Variants in FAT3 observed in about 807,000 individuals in gnomAD.
FAT3 encodes protocadherin Fat 3.
Under a neutral mutation model 310.2 loss-of-function variants are expected in FAT3, and 95 were observed. That is an observed-to-expected ratio of 0.31 (90% CI 0.26 to 0.36). FAT3 has a LOEUF of 0.36. Ranked by LOEUF, FAT3 falls within the 10% of genes least tolerant of loss-of-function variation. The pLI, the probability that FAT3 is intolerant of heterozygous loss-of-function variation, is 1.00. For synonymous variants in FAT3, 2,314 were observed against 2,192.9 expected (o/e 1.06, Z -1.54); for missense variants, 5,408 against 5,715.6 (o/e 0.95, Z 1.74).
chr11:92,668,642 A>G (rs1400055885), intron 3 of FAT3, among the ~76,000 whole-genome samples: 1 of 152,230 alleles, frequency 6.6e-6, no homozygotes, highest in Non-Finnish European at 1.5e-5. Flanking sequence ...TGAAAAAATA[A>G]TACCTTCCTG....
chr11:92,342,695 G>A (rs1334053746), intron 1 of FAT3, among the ~76,000 whole-genome samples: 1 of 152,066 alleles, frequency 6.6e-6, no homozygotes, highest in African/African-American at 2.4e-5. Flanking sequence ...CAGAGTAAGT[G>A]CTATTACTAG....
intron 2 of FAT3, among the ~76,000 whole-genome samples, chr11:92,482,095 C>T (rs1952242518): frequency 6.6e-6 from 1 of 151,892 alleles, no homozygotes; most frequent in South Asian, 2.1e-4. Flanking sequence ...TTTTACTTAA[C>T]CATACATTTA....
At chr11:92,298,369 C>T (rs1042571844) in intron 1 of FAT3, among the ~76,000 whole-genome samples, 8 of 152,054 alleles carry the variant, frequency 5.3e-5, no homozygotes, top group Non-Finnish European at 1.2e-4. Flanking sequence ...AATATGCAAT[C>T]CTTTCCCATG....
intron 3 of FAT3, among the ~76,000 whole-genome samples, chr11:92,611,549 G>A (rs754137770): frequency 2.0e-5 from 3 of 152,026 alleles, no homozygotes; most frequent in Non-Finnish European, 4.4e-5. Flanking sequence ...GTGGAACTAC[G>A]GGCCCAGCTA....
intron 3 of FAT3, among the ~76,000 whole-genome samples, chr11:92,675,134 G>T (rs1322365151): frequency 2.0e-5 from 3 of 152,154 alleles, no homozygotes; most frequent in Non-Finnish European, 4.4e-5. Flanking sequence ...CAAGCAGGAA[G>T]CATGAGTATT....
chr11:92,578,877 T>TA lies in FAT3; in HGVS notation c.3607+53937dup, dbSNP rs200431611. Among the ~76,000 whole-genome samples, 861 of 151,630 alleles carry TA rather than the reference T, an allele frequency of 5.7e-3. 5 individuals are homozygous for TA. The highest frequency in any genetic ancestry group is 0.019 in the African/African-American group (797 of 41,360). ...TCCCCCATGATCGTCTAATATATCATAAAAAAAATGCTGGAAAGGTAATTA... is the reference window on the plus strand; with the variant it reads ...TCCCCCATGATCGTCTAATATATCATAAAAAAAAATGCTGGAAAGGTAATTA... On this transcript the variant is annotated intron_variant, in intron 3 of 27. Transcript: ENST00000525166.
chr11:92,566,482 A>G (rs1241079426), intron 3 of FAT3, among the ~76,000 whole-genome samples: 20 of 151,918 alleles, frequency 1.3e-4, no homozygotes, highest in South Asian at 2.1e-4. Context: ...TATAGATTCA[A>G]TGCCATCCCC....
chr11:92,291,111 A>ACG (rs1262828464), intron 1 of FAT3, among the ~76,000 whole-genome samples: 11 of 151,312 alleles, frequency 7.3e-5, no homozygotes, highest in African/African-American at 2.7e-4. Flanking sequence ...ACACACACAC[A>ACG]CACACATGCA....
At chr11:92,383,305 G>A (rs1281790060) in intron 2 of FAT3, among the ~76,000 whole-genome samples, 3 of 152,176 alleles carry the variant, frequency 2.0e-5, no homozygotes, top group African/African-American at 7.2e-5. Context: ...ACATACATGT[G>A]TGTGTATCTT....
At chr11:92,805,871 C>A (rs1485738258) in intron 11 of FAT3, among the ~76,000 whole-genome samples, 1 of 152,134 alleles carries the variant, frequency 6.6e-6, no homozygotes, top group Non-Finnish European at 1.5e-5. Context: ...ACTATTTATT[C>A]TTTTCTATCA....
At chr11:92,343,743 G>A (rs757059411) in intron 1 of FAT3, among the ~76,000 whole-genome samples, 1 of 152,066 alleles carries the variant, frequency 6.6e-6, no homozygotes, top group Admixed American at 6.6e-5. Context: ...GACAAGTATT[G>A]GAACAGTTTC....
intron 2 of FAT3, among the ~76,000 whole-genome samples, chr11:92,412,750 T>TATATATATATATATATAC (rs1950319479): frequency 1.5e-5 from 1 of 66,980 alleles, no homozygotes; most frequent in Admixed American, 1.5e-4. Context: ...TATATAAATA[T>TATATATATATATATATAC]ACATACATAT....
chr11:92,519,378 G>T (rs1050478786), intron 2 of FAT3, among the ~76,000 whole-genome samples: 6 of 152,038 alleles, frequency 3.9e-5, no homozygotes, highest in Non-Finnish European at 2.9e-5. Context: ...TCACCATAAA[G>T]AAAACTCAAA....
At chr11:92,761,043 C>A (rs1026262570) in intron 4 of FAT3, among the ~76,000 whole-genome samples, 1 of 152,112 alleles carries the variant, frequency 6.6e-6, no homozygotes, top group African/African-American at 2.4e-5. Context: ...CATAGTTTTC[C>A]TTTTGTTCAA....
In FAT3 at chr11:92,805,206, G is replaced by A. The variant is rs747628865; in HGVS notation, c.8950G>A (p.Val2984Ile). ...GGGCCTGGTGCAAAGTGAGTGGAAG[G>A]TCTATGTGAAGAGGCCTCTAGACAG... ...ALGLVQSEWKVYVKRPLDREE... is the reference protein window; with the variant it reads ...ALGLVQSEWKIYVKRPLDREE... The change falls in exon 11 of 28, where the codon GTC becomes ATC. Residue 2984 changes from valine to isoleucine, a missense_variant. By Grantham distance (29) the Val-to-Ile change is conservative (BLOSUM62 3). Coordinates refer to ENST00000525166, the MANE Select transcript of FAT3 (RefSeq NM_001367949.2). 10 of 1,613,680 alleles carry A rather than the reference G, an allele frequency of 6.2e-6. No individual in the cohort carries two copies. Among genetic ancestry groups the A allele is most frequent in the Non-Finnish European group, 8.5e-6 (10 of 1,179,790 alleles).
intron 4 of FAT3, among the ~76,000 whole-genome samples, chr11:92,712,973 C>T (rs1591638407): frequency 1.3e-5 from 2 of 152,280 alleles, no homozygotes; most frequent in South Asian, 4.2e-4. Flanking sequence ...AAAGCCCAGC[C>T]CCAGCTTGCA....
chr11:92,595,377 G>A (rs994457451), intron 3 of FAT3, among the ~76,000 whole-genome samples: 1 of 152,158 alleles, frequency 6.6e-6, no homozygotes, highest in African/African-American at 2.4e-5. Context: ...GTTGAATTGA[G>A]CACAGGGATG....
At chr11:92,502,279 A>G (rs1952961590) in intron 2 of FAT3, among the ~76,000 whole-genome samples, 1 of 152,066 alleles carries the variant, frequency 6.6e-6, no homozygotes, top group South Asian at 2.1e-4. Context: ...AGCAGAGGAT[A>G]GGGTAGTTTG....
chr11:92,472,050 G>T (rs184043637), intron 2 of FAT3, among the ~76,000 whole-genome samples: 1 of 150,548 alleles, frequency 6.6e-6, no homozygotes, highest in Non-Finnish European at 1.5e-5. Context: ...GTATTATTTT[G>T]GGAGTTCACA....
Sources: allele counts gnomAD v4.1 joint callset (sites outside exome capture counted in the v4.1 genomes callset), GRCh38; gene constraint gnomAD v4.1.1; transcripts MANE v1.5; gene names NCBI Gene and HGNC (gene_info 2026-07-23, HGNC 2026-07-21).